The following GAR1 variants were observed in gnomAD, a reference collection of about 807,000 sequenced individuals.
The protein encoded by GAR1 is H/ACA ribonucleoprotein complex subunit 1.
In GAR1, 11 loss-of-function variants were observed where a neutral mutation model predicts 29.3. The observed-to-expected ratio is 0.38, with a 90% confidence interval of 0.24 to 0.62. The LOEUF (loss-of-function observed/expected upper bound fraction) is 0.62, where lower values mean the gene tolerates loss of function less well. Among genes scored for constraint, GAR1 ranks in the 20% least tolerant of loss-of-function variants. The pLI, the probability that GAR1 is intolerant of heterozygous loss-of-function variation, is 0.62. For synonymous variants in GAR1, 87 were observed against 93.3 expected, an observed-to-expected ratio of 0.93 and a Z score of 0.39; for missense variants, 237 against 268.4, an observed-to-expected ratio of 0.88 and a Z score of 0.82.
chr4:109,817,781 T>A (rs1733394771), intron 2 of GAR1, among the ~76,000 whole-genome samples, 155 bp from the exon 3 acceptor site: 1 of 152,240 alleles, frequency 6.6e-6, no homozygotes, highest in Non-Finnish European at 1.5e-5. Context: ...GGAGTTGGTA[T>A]ACCAGCCCAG....
intron 5 of GAR1, 49 bp from the exon 6 acceptor site, chr4:109,823,916 C>T: frequency 8.5e-7 from 1 of 1,181,930 alleles, no homozygotes; most frequent in South Asian, 1.2e-5. Flanking sequence ...TTATTATATT[C>T]TATTGTTATT....
intron 4 of GAR1, among the ~76,000 whole-genome samples, chr4:109,822,085 A>T (rs186980285): frequency 6.6e-6 from 1 of 151,216 alleles, no homozygotes; most frequent in Non-Finnish European, 1.5e-5. Flanking sequence ...AGGTGCAGCA[A>T]ACCACCATGG....
Position 109,816,212 on chromosome 4 carries a change from A to G in GAR1, c.48A>G (p.Gly16=). ...GGRGGFNRGG[G]GGGFNRGGSS... ...GTGGAGGCTTTAATCGAGGTGGTGG[A>G]GGTGGCGGCTTCAACCGAGGTGGCA... Residue 16 remains glycine (G), a synonymous_variant, in exon 2 of 7, where the codon GGA becomes GGG. Coordinates refer to ENST00000226796, the MANE Select transcript of GAR1 (RefSeq NM_018983.4). 6.2e-7 allele frequency: 1 copy of G among 1,608,844 alleles called. No homozygotes were observed. The highest frequency in any genetic ancestry group is 8.5e-7 in the Non-Finnish European group (1 of 1,177,910).
chr4:109,820,086 G>A (rs1408294024), intron 4 of GAR1, among the ~76,000 whole-genome samples: 1 of 152,142 alleles, frequency 6.6e-6, no homozygotes, highest in Non-Finnish European at 1.5e-5. Context: ...TGTGAGAGGG[G>A]CCAGATAGGA....
intron 4 of GAR1, 54 bp downstream of exon 4, chr4:109,819,114 T>G: frequency 1.1e-6 from 1 of 922,760 alleles, no homozygotes; most frequent in Non-Finnish European, 1.8e-6. Context: ...GAACGACCTA[T>G]CTTAGGAAAG....
At chr4:109,824,115 A>AT in intron 6 of GAR1, 82 bp downstream of exon 6, 2 of 951,404 alleles carry the variant, frequency 2.1e-6, no homozygotes, top group Admixed American at 1.9e-5. Context: ...CTTAAGTTTA[A>AT]TTTTCTCTGC....
intron 3 of GAR1, among the ~76,000 whole-genome samples, chr4:109,818,718 C>T (rs184175856): frequency 3.3e-5 from 5 of 152,042 alleles, no homozygotes; most frequent in Admixed American, 3.3e-4. Flanking sequence ...GTGAGCGCCA[C>T]CATGCCCGGC....
At chr4:109,816,401 C>CAA (rs1461500335) in intron 2 of GAR1, 23 bp downstream of exon 2, 1 of 1,603,172 alleles carries the variant, frequency 6.2e-7, no homozygotes, top group South Asian at 1.1e-5. Context: ...CAGTATTTAG[C>CAA]TTATTTGAAG....
Position 109,824,524 on chromosome 4 carries a change from T to A in GAR1, c.*93T>A, listed in dbSNP as rs1288848065. 2.2e-6 allele frequency: 2 copies of A among 909,390 alleles called. No homozygotes were observed. The highest frequency in any genetic ancestry group is 3.6e-6 in the Non-Finnish European group (2 of 548,518). 56.3% of individuals were successfully genotyped at this position (909,390 alleles called of 1,614,324 possible). A position where few individuals can be genotyped will look rare whatever the true frequency, so the allele number is the denominator to read the frequency against. ...ATTGGAAACTTGTTTCTTGAACAAG[T>A]CTTGAAGATCTTGGTCATTTTATGA... On this transcript the variant is annotated 3_prime_UTR_variant, in exon 7 of 7. Coordinates refer to ENST00000226796, the MANE Select transcript of GAR1 (RefSeq NM_018983.4).
At position 109,824,670 on chromosome 4, in the gene GAR1, A is replaced by G. The variant is rs189714788; in HGVS notation, c.*239A>G. The G allele has an allele frequency of 1.8e-3, 722 of 402,904 alleles. 5 individuals carry two copies. The highest frequency in any genetic ancestry group is 0.013 in the African/African-American group (654 of 48,468). The allele number at this position is 402,904 out of a possible 1,614,324, so 25.0% of individuals were successfully genotyped here. A position where few individuals can be genotyped will look rare whatever the true frequency, so the allele number is the denominator to read the frequency against. ...GTGCCTGGCACTCTGTGGGTGCTCA[A>G]TAAATGGATAGGAGTTTTCATTTGA... On this transcript the variant is annotated 3_prime_UTR_variant, in exon 7 of 7. Transcript: ENST00000226796.
intron 5 of GAR1, among the ~76,000 whole-genome samples, chr4:109,823,144 A>T (rs990720046): frequency 6.6e-6 from 1 of 152,148 alleles, no homozygotes; most frequent in Non-Finnish European, 1.5e-5. Context: ...CAGCTAGGTG[A>T]TGAGCAGGGC....
chr4:109,818,189 A>G, intron 3 of GAR1, 99 bp downstream of exon 3: 1 of 788,876 alleles, frequency 1.3e-6, no homozygotes. Context: ...TTGCTTCATT[A>G]AATTAGACAG....
chr4:109,816,502 G>A, intron 2 of GAR1, 124 bp downstream of exon 2: 1 of 920,386 alleles, frequency 1.1e-6, no homozygotes, highest in Non-Finnish European at 1.7e-6. Context: ...AGGGTGGAGT[G>A]GGGAGATCAA....
chr4:109,816,209 T>C lies in GAR1; in HGVS notation c.45T>C (p.Gly15=), dbSNP rs1560578646. The C allele has an allele frequency of 1.9e-6, 3 of 1,610,698 alleles. No homozygotes were observed. Among genetic ancestry groups the C allele is most frequent in the Middle Eastern group, 3.8e-4 (2 of 5,202 alleles). ...GTCGTGGAGGCTTTAATCGAGGTGG[T>C]GGAGGTGGCGGCTTCAACCGAGGTG... ...GGGRGGFNRG[G]GGGGFNRGGS... is the part of the protein sequence containing the mutation. The change falls in exon 2 of 7, where the codon GGT becomes GGC. Residue 15 remains glycine, a synonymous_variant. Coordinates refer to ENST00000226796, the MANE Select transcript of GAR1 (RefSeq NM_018983.4).
chr4:109,824,546 A>G lies in GAR1; in HGVS notation c.*115A>G. On this transcript the variant is annotated 3_prime_UTR_variant, in exon 7 of 7. Transcript: ENST00000226796. Reference sequence around the variant, plus strand: ...AAGTCTTGAAGATCTTGGTCATTTTATGACAATGGATCTAAAATGTCAGCA... The same window carrying G: ...AAGTCTTGAAGATCTTGGTCATTTTGTGACAATGGATCTAAAATGTCAGCA... 1.3e-6 allele frequency: 1 copy of G among 798,544 alleles called. No individual in the cohort carries two copies. The highest frequency in any genetic ancestry group is 1.9e-5 in the Admixed American group (1 of 51,866). 49.5% of individuals were successfully genotyped at this position (798,544 alleles called of 1,614,324 possible). A position where few individuals can be genotyped will look rare whatever the true frequency, so the allele number is the denominator to read the frequency against.
In GAR1 at chr4:109,822,667, A is replaced by G. The variant is rs543944150; in HGVS notation, c.571+179A>G. The G allele has an allele frequency of 7.9e-5, 45 of 570,918 alleles. No homozygotes were observed. In the South Asian group the frequency reaches 1.5e-3, roughly 19 times the overall value. 35.4% of individuals were successfully genotyped at this position (570,918 alleles called of 1,614,324 possible). On this transcript the variant is annotated intron_variant, in intron 5 of 6. Transcript: ENST00000226796. Reference sequence around the variant, plus strand: ...TGCTTCATTTCAACAACTTACTTAAAAAGAAGAAAATCTACTAAAGTATAC... The same window carrying G: ...TGCTTCATTTCAACAACTTACTTAAGAAGAAGAAAATCTACTAAAGTATAC...
At chr4:109,816,104 C>T (rs1240345090) in intron 1 of GAR1, 49 bp from the exon 2 acceptor site, 8 of 1,554,644 alleles carry the variant, frequency 5.1e-6, no homozygotes, top group Middle Eastern at 2.3e-4. Context: ...TTGGAGTATA[C>T]TCAGAGGCTA....
upstream of GAR1, chr4:109,815,513 C>T (rs558465257): frequency 3.9e-5 from 6 of 152,994 alleles, no homozygotes; most frequent in South Asian, 8.3e-4. Context: ...AAGGACGCCG[C>T]TGTTATACGT....
rs1356001633 is a variant in GAR1 at position 109,815,906 on chromosome 4, G to C, written c.-13+102G>C. On this transcript the variant is annotated intron_variant, in intron 1 of 6. Coordinates refer to ENST00000226796, the MANE Select transcript of GAR1 (RefSeq NM_018983.4). The stretch of plus-strand genomic sequence containing the variant: ...GGGGATGCGGTGCGAAGACCTTGCT[G>C]TCTGTAGGGGGAGGAGATACTAATC... 22 of 531,630 alleles carry C rather than the reference G, an allele frequency of 4.1e-5. No individual in the cohort carries two copies. The East Asian group carries it at 6.4e-4, about 15-fold the overall frequency. The allele number at this position is 531,630 out of a possible 1,614,324, so 32.9% of individuals were successfully genotyped here. A position where few individuals can be genotyped will look rare whatever the true frequency, so the allele number is the denominator to read the frequency against.
Sources: gnomAD v4.1 joint callset for allele counts (sites outside exome capture counted in the v4.1 genomes callset) on GRCh38, gnomAD v4.1.1 for gene constraint, MANE v1.5 for transcripts, NCBI Gene and HGNC (gene_info 2026-07-23, HGNC 2026-07-21) for gene names.